The following PPIL2 variants were observed in gnomAD, a reference collection of about 807,000 sequenced individuals.
PPIL2 encodes the protein peptidylprolyl isomerase like 2, also known as RING-type E3 ubiquitin-protein ligase PPIL2.
Under a neutral mutation model 75.2 loss-of-function variants are expected in PPIL2, and 50 were observed. The ratio of observed to expected loss-of-function variants is 0.66; its 90% CI spans 0.53 to 0.84. The LOEUF (loss-of-function observed/expected upper bound fraction) is 0.84, where lower values mean the gene tolerates loss of function less well. Ranked by LOEUF, PPIL2 falls within the 40% of genes least tolerant of loss-of-function variation. PPIL2 has a pLI of 0.00. For missense variants in PPIL2, 590 were observed against 685.0 expected, an observed-to-expected ratio of 0.86 and a Z score of 1.55; for synonymous variants, 245 against 258.8, an observed-to-expected ratio of 0.95 and a Z score of 0.51.
At chr22:21,675,929 A>G (rs2066822759) in intron 6 of PPIL2, among the ~76,000 whole-genome samples, 1 of 152,118 alleles carries the variant, frequency 6.6e-6, no homozygotes, top group African/African-American at 2.4e-5. Context: ...AGAGGCCCGG[A>G]TGAGTTGTGC....
chr22:21,680,474 T>C (rs1189925910), intron 6 of PPIL2, among the ~76,000 whole-genome samples: 1 of 152,050 alleles, frequency 6.6e-6, no homozygotes, highest in Non-Finnish European at 1.5e-5. Context: ...GAGGTTGCAG[T>C]GAGCCGAGAT....
Position 21,695,071 on chromosome 22 carries a change from G to A in PPIL2, c.1466+1G>A, listed in dbSNP as rs763877621. The stretch of plus-strand genomic sequence containing the variant: ...GCAAGTACATCAACCCAGCAGCCAC[G>A]TGAGTGCCGCGGGGCTGGCCTCCCT... On this transcript the variant is annotated splice_donor_variant, in intron 19 of 19. Transcript: ENST00000398831. LOFTEE classifies it high-confidence loss of function. 12 of 1,603,746 alleles carry A rather than the reference G, an allele frequency of 7.5e-6. No homozygotes were observed. In the South Asian group the frequency reaches 7.7e-5, roughly 10 times the overall value.
intron 9 of PPIL2, among the ~76,000 whole-genome samples, chr22:21,684,293 C>CATGGTGAA (rs2067250795): frequency 8.0e-6 from 1 of 125,466 alleles, no homozygotes; most frequent in Non-Finnish European, 1.7e-5. Context: ...AAGATTGTAA[C>CATGGTGAA]ACAAAAAAAT....
chr22:21,677,951 G>A (rs145330367), intron 6 of PPIL2, among the ~76,000 whole-genome samples: 1,933 of 152,292 alleles, frequency 0.013, 40 homozygotes, highest in African/African-American at 0.042. Flanking sequence ...GGGCCAGGCT[G>A]ATGGCACAGC....
At chr22:21,680,077 C>A (rs2148528373) in intron 6 of PPIL2, among the ~76,000 whole-genome samples, 1 of 136,930 alleles carries the variant, frequency 7.3e-6, no homozygotes, top group East Asian at 2.3e-4. Context: ...TGGGCAACGG[C>A]AAGACTCTGT....
intron 3 of PPIL2, 122 bp downstream of exon 3, chr22:21,670,733 A>T (rs917149426): frequency 2.7e-5 from 31 of 1,140,178 alleles, no homozygotes; most frequent in Non-Finnish European, 3.8e-5. Flanking sequence ...GTGGCCCTTC[A>T]GTTCATGTTG....
chr22:21,682,987 TCCCTGC>T (rs903946730), intron 8 of PPIL2, among the ~76,000 whole-genome samples, 189 bp from the exon 9 acceptor site: 2 of 152,026 alleles, frequency 1.3e-5, no homozygotes, highest in Non-Finnish European at 2.9e-5. Context: ...TGCGTCCCCG[TCCCTGC>T]CCCTGCCCCT....
rs772239715 is a variant in PPIL2 at position 21,687,715 on chromosome 22, TC to T, written c.972del (p.Ile325SerfsTer5). ...TTACGATGGCACCATCTTCCACAGA[TC>T]CATCCGGAACTTTGTGGTGAGTGAC... ...HYYDGTIFHR[S>X]IRNFVIQGGD... is the part of the protein sequence containing the mutation. On this transcript the variant is annotated frameshift_variant, in exon 13 of 20. Transcript: ENST00000398831. LOFTEE classifies it high-confidence loss of function. The T allele has an allele frequency of 2.6e-5, 42 of 1,613,194 alleles. No individual in the cohort carries two copies. Among genetic ancestry groups the T allele is most frequent in the Non-Finnish European group, 8.5e-7 (1 of 1,179,472 alleles).
chr22:21,669,979 T>G lies in PPIL2; in HGVS notation c.82+17T>G. On this transcript the variant is annotated intron_variant, in intron 2 of 19. Coordinates refer to ENST00000398831, the MANE Select transcript of PPIL2 (RefSeq NM_014337.4). ...AGAAGCCAGGTAAGGCATGCAGTCTTTCTGTTCCCCGTTGGGGGAGTGGTA... is the reference window on the plus strand; with the variant it reads ...AGAAGCCAGGTAAGGCATGCAGTCTGTCTGTTCCCCGTTGGGGGAGTGGTA... 6.2e-7 allele frequency: 1 copy of G among 1,609,604 alleles called. No individual in the cohort carries two copies. The highest frequency in any genetic ancestry group is 8.5e-7 in the Non-Finnish European group (1 of 1,175,854).
Position 21,694,582 on chromosome 22 carries a change from C to T in PPIL2, c.1197-11C>T, listed in dbSNP as rs1462048404. The T allele has an allele frequency of 9.9e-6, 16 of 1,613,586 alleles. No individual in the cohort carries two copies. Among genetic ancestry groups the T allele is most frequent in the Non-Finnish European group, 1.4e-5 (16 of 1,179,958 alleles). The stretch of plus-strand genomic sequence containing the variant: ...AGCACACGCAGACCCACCTCTGTCT[C>T]CCTGCTGCAGGGTTGTTGGGGGCTT... On this transcript the variant is annotated splice_polypyrimidine_tract_variant and intron_variant, in intron 16 of 19. Transcript: ENST00000398831.
At position 21,696,186 on chromosome 22, in the gene PPIL2, G is replaced by A; in HGVS notation, c.*696G>A. The A allele has an allele frequency of 2.0e-6, 2 of 1,001,794 alleles. No individual in the cohort carries two copies. The highest frequency in any genetic ancestry group is 2.1e-4 in the East Asian group (2 of 9,558). 62.1% of individuals were successfully genotyped at this position (1,001,794 alleles called of 1,614,324 possible). A position where few individuals can be genotyped will look rare whatever the true frequency, so the allele number is the denominator to read the frequency against. ...CAGGGGCTTCTGAAGGCTGGTGTTG[G>A]ACGGCAGCATTGAGTTTCCTGCCGT... is the stretch of plus-strand genomic sequence containing the variant. On this transcript the variant is annotated 3_prime_UTR_variant, in exon 20 of 20. Transcript: ENST00000398831.
chr22:21,666,167 C>G (rs1396444895), intron 1 of PPIL2, 36 bp downstream of exon 1: 2 of 1,592,298 alleles, frequency 1.3e-6, no homozygotes, highest in Non-Finnish European at 1.7e-6. Flanking sequence ...GCGCTCCACT[C>G]TGCCTCAGTG....
In PPIL2 at chr22:21,685,500, C is replaced by G. The variant is rs1016906051; in HGVS notation, c.714+587C>G. 1.7e-5 allele frequency: 6 copies of G among 361,694 alleles called. 1 individual carries two copies. The highest frequency in any genetic ancestry group is 1.3e-4 in the South Asian group (6 of 46,684). The allele number at this position is 361,694 out of a possible 1,614,324, so 22.4% of individuals were successfully genotyped here. A position where few individuals can be genotyped will look rare whatever the true frequency, so the allele number is the denominator to read the frequency against. On this transcript the variant is annotated intron_variant, in intron 10 of 19. Transcript: ENST00000398831. Reference sequence around the variant, plus strand: ...AGGGCAGAGACATGGGCAGGTAGCTCTGAAGTTCTCCTTCTTAAAGAATTA... The same window carrying G: ...AGGGCAGAGACATGGGCAGGTAGCTGTGAAGTTCTCCTTCTTAAAGAATTA...
At position 21,667,765 on chromosome 22, in the gene PPIL2, A is replaced by AT. The variant is rs55832180; in HGVS notation, c.32+1662dup. Among the ~76,000 whole-genome samples the AT allele has an allele frequency of 2.0e-3, 143 of 69,884 alleles. 1 individual carries two copies. The highest frequency in any genetic ancestry group is 4.7e-3 in the East Asian group (12 of 2,562). 45.8% of individuals were successfully genotyped at this position (69,884 alleles called of 152,430 possible). A position where few individuals can be genotyped will look rare whatever the true frequency, so the allele number is the denominator to read the frequency against. The stretch of plus-strand genomic sequence containing the variant: ...ACTGGAGGACTGAAAGACATCTCAA[A>AT]TTTTTTTTTTTTTTTTTTTTTTTTT... On this transcript the variant is annotated intron_variant, in intron 1 of 19. Transcript: ENST00000398831.
At chr22:21,698,284 G>T (rs2068016315), downstream of PPIL2, 1 of 141,974 alleles carries the variant, frequency 7.0e-6, no homozygotes, top group Non-Finnish European at 1.6e-5. Flanking sequence ...AAATACAAAA[G>T]TCATAAGACT....
intron 16 of PPIL2, 59 bp downstream of exon 16, chr22:21,693,931 C>CA (rs2067795735): frequency 1.3e-6 from 2 of 1,493,374 alleles, no homozygotes; most frequent in Middle Eastern, 3.4e-4. Flanking sequence ...GTTCCTTCCC[C>CA]ACCTGAGGCC....
chr22:21,682,579 C>G (rs2067176364), intron 8 of PPIL2, 53 bp downstream of exon 8: 2 of 1,511,582 alleles, frequency 1.3e-6, no homozygotes, highest in South Asian at 2.3e-5. Flanking sequence ...TGCAGCCAGC[C>G]CAGGCCTCTA....
At position 21,670,526 on chromosome 22, in the gene PPIL2, A is replaced by C. The variant is rs535113568; in HGVS notation, c.83-40A>C. The C allele has an allele frequency of 2.5e-5, 39 of 1,566,976 alleles. 1 individual carries two copies. The South Asian group carries it at 4.1e-4, about 17-fold the overall frequency. ...CAGGTGCACATAGATGAAATACTTT[A>C]CAGAGTAAGATTTCTGTTTTTTATT... On this transcript the variant is annotated intron_variant, in intron 2 of 19. Coordinates refer to ENST00000398831, the MANE Select transcript of PPIL2 (RefSeq NM_014337.4).
rs774111395 is a variant in PPIL2, at chr22:21,682,473, C to T, written c.424C>T (p.Arg142Trp). 32 of 1,613,864 alleles carry T rather than the reference C, an allele frequency of 2.0e-5. No homozygotes were observed. Among genetic ancestry groups the T allele is most frequent in the South Asian group, 1.2e-4 (11 of 91,086 alleles). ...EQLNIKAKNFRDLLTDEPFSR... is the reference protein window; with the variant it reads ...EQLNIKAKNFWDLLTDEPFSR... ...GCTAAATATCAAGGCCAAGAACTTC[C>T]GGGACCTGCTGACCGACGAGCCCTT... Residue 142 changes from arginine to tryptophan, a missense_variant, in exon 8 of 20, where the codon CGG becomes TGG. Transcript: ENST00000398831.
Sources: gnomAD v4.1 joint callset for allele counts (sites outside exome capture counted in the v4.1 genomes callset) on GRCh38, gnomAD v4.1.1 for gene constraint, MANE v1.5 for transcripts, NCBI Gene and HGNC (gene_info 2026-07-23, HGNC 2026-07-21) for gene names.